SORBS2: variants seen among roughly 807,000 people sequenced by gnomAD.
The protein encoded by SORBS2 is sorbin and SH3 domain containing 2, also known as sorbin and SH3 domain-containing protein 2.
Under a neutral mutation model 97.7 loss-of-function variants are expected in SORBS2, and 46 were observed. That is an observed-to-expected ratio of 0.47 (90% CI 0.37 to 0.60). The LOEUF (loss-of-function observed/expected upper bound fraction) is 0.60, where lower values mean the gene tolerates loss of function less well. Among genes scored for constraint, SORBS2 ranks in the 20% least tolerant of loss-of-function variants. SORBS2 has a pLI of 0.00. For synonymous variants in SORBS2, 476 were observed against 473.4 expected (o/e 1.01, Z -0.07); for missense variants, 1,316 against 1,282.3 (o/e 1.03, Z -0.40).
intron 1 of SORBS2, among the ~76,000 whole-genome samples, chr4:185,822,730 G>C (rs373230511): frequency 6.6e-6 from 1 of 152,176 alleles, no homozygotes; most frequent in Non-Finnish European, 1.5e-5. Context: ...CTATTCTACA[G>C]GGGCACCACA....
intron 1 of SORBS2, among the ~76,000 whole-genome samples, chr4:185,789,748 T>G (rs1008790505): frequency 2.6e-5 from 4 of 152,314 alleles, no homozygotes; most frequent in South Asian, 4.1e-4. Flanking sequence ...CTCTTGATTT[T>G]TAATGCAATA....
chr4:185,783,405 T>A (rs1195980514), intron 1 of SORBS2, among the ~76,000 whole-genome samples: 1 of 152,232 alleles, frequency 6.6e-6, no homozygotes, highest in Non-Finnish European at 1.5e-5. Flanking sequence ...GGTGGCCAAG[T>A]GAGGCCTTGG....
At chr4:185,928,351 C>T (rs2149953487) in intron 1 of SORBS2, among the ~76,000 whole-genome samples, 1 of 152,208 alleles carries the variant, frequency 6.6e-6, no homozygotes, top group African/African-American at 2.4e-5. Context: ...CTGCAGTGAG[C>T]TATGACCCTG....
chr4:185,881,498 T>C (rs1372887386), intron 1 of SORBS2, among the ~76,000 whole-genome samples: 2 of 152,086 alleles, frequency 1.3e-5, no homozygotes, highest in East Asian at 3.8e-4. Context: ...TTTCAGACAT[T>C]CAGACAAGAA....
intron 5 of SORBS2, among the ~76,000 whole-genome samples, chr4:185,630,189 C>G (rs115472128): frequency 0.021 from 3,137 of 152,124 alleles, 120 homozygotes; most frequent in African/African-American, 0.072. Flanking sequence ...ACGTGTATAA[C>G]ACTTTTTAAT....
intron 4 of SORBS2, among the ~76,000 whole-genome samples, chr4:185,633,342 T>A (rs2096938014): frequency 6.6e-6 from 1 of 152,120 alleles, no homozygotes. Context: ...TTTCTTACAT[T>A]CTGAAAAACT....
chr4:185,772,734 G>A (rs1392905744), intron 2 of SORBS2: 1 of 152,214 alleles, frequency 6.6e-6, no homozygotes, highest in Non-Finnish European at 1.5e-5. Context: ...TTTACTGGGG[G>A]AAAACGTGTG....
chr4:185,721,525 C>T (rs1263079305), intron 2 of SORBS2, among the ~76,000 whole-genome samples: 3 of 152,178 alleles, frequency 2.0e-5, no homozygotes, highest in African/African-American at 7.2e-5. Context: ...AGGCAAACTT[C>T]CTGGAGCAGC....
At chr4:185,767,457 G>T (rs1286920087) in intron 2 of SORBS2, among the ~76,000 whole-genome samples, 2 of 130,276 alleles carry the variant, frequency 1.5e-5, no homozygotes, top group Non-Finnish European at 3.1e-5. Context: ...CCGAGATCGC[G>T]CCCCTGCACT....
chr4:185,759,318 G>T, intron 2 of SORBS2, among the ~76,000 whole-genome samples: 1 of 152,164 alleles, frequency 6.6e-6, no homozygotes, highest in Non-Finnish European at 1.5e-5. Flanking sequence ...GCTTGCTCTT[G>T]CCTCAGTGAT....
rs34447153 is a variant in SORBS2, at chr4:185,900,791, CAG to C, written c.-338+55403_-338+55404del. Among the ~76,000 whole-genome samples, 573 of 150,070 alleles carry C rather than the reference CAG, an allele frequency of 3.8e-3. 3 individuals carry two copies. Among genetic ancestry groups the C allele is most frequent in the African/African-American group, 0.013 (533 of 41,138 alleles). ...AGGGAGGGAGAGGGAGACAGGGAAA[CAG>C]AGAGAGAGAGAGACAGAGAGAATTA... On this transcript the variant is annotated intron_variant, in intron 1 of 20. Coordinates refer to the SORBS2 transcript ENST00000284776.
At chr4:185,656,833 C>T (rs1339835689) in exon 1 of SORBS2, 7 of 1,380,726 alleles carry the variant, frequency 5.1e-6, no homozygotes, top group South Asian at 1.6e-5. Flanking sequence ...AACACTTTCA[C>T]TTATCATCCC....
At chr4:185,894,204 T>A (rs1282920936) in intron 1 of SORBS2, 1 of 152,002 alleles carries the variant, frequency 6.6e-6, no homozygotes, top group African/African-American at 2.4e-5. Context: ...TGGGAACATA[T>A]TGAAGGAAAA....
intron 12 of SORBS2, among the ~76,000 whole-genome samples, chr4:185,597,400 T>A (rs945209966): frequency 4.6e-5 from 7 of 152,278 alleles, no homozygotes; most frequent in Non-Finnish European, 8.8e-5. Context: ...ATTGATTGGT[T>A]AATTCTCATG....
In SORBS2 at chr4:185,606,831, C is replaced by T. The variant is rs1036010752; in HGVS notation, c.2796+4949G>A. ...TGCCCTCATCTTCCTCTCCAATGAC[C>T]GGAAGGGGTACAGGCAAGGAACCCA... On this transcript the variant is annotated intron_variant, in intron 12 of 14. Transcript: ENST00000418609. This position sits in a 1 kb window ranked among gnomAD's most constrained non-coding sequence, Gnocchi z 4.3. 1.2e-4 allele frequency: 119 copies of T among 985,334 alleles called. No homozygotes were observed. The highest frequency in any genetic ancestry group is 5.2e-4 in the Middle Eastern group (1 of 1,914). The allele number at this position is 985,334 out of a possible 1,614,324, so 61.0% of individuals were successfully genotyped here.
chr4:185,600,909 T>G (rs964721271), intron 12 of SORBS2, among the ~76,000 whole-genome samples: 11 of 109,358 alleles, frequency 1.0e-4, no homozygotes, highest in African/African-American at 2.8e-4. Context: ...TGTTTTGGTG[T>G]TTTTTTTTTA....
At chr4:185,770,109 C>T (rs560796647) in intron 2 of SORBS2, among the ~76,000 whole-genome samples, 5 of 147,328 alleles carry the variant, frequency 3.4e-5, no homozygotes, top group Admixed American at 6.8e-5. Flanking sequence ...GACGAAGTCT[C>T]ACCCTGTCAC....
intron 2 of SORBS2, among the ~76,000 whole-genome samples, chr4:185,694,895 C>T (rs1003418170): frequency 3.3e-5 from 5 of 151,244 alleles, no homozygotes; most frequent in Admixed American, 6.6e-5. Context: ...TTAGTAGAGA[C>T]GGGGTTTTAC....
At chr4:185,625,043 A>G (rs951184419) in intron 6 of SORBS2, among the ~76,000 whole-genome samples, 8 of 152,258 alleles carry the variant, frequency 5.3e-5, no homozygotes, top group Admixed American at 4.6e-4. Context: ...TTTAAAAGCT[A>G]TAAGGCAAAG....
Sources: allele counts gnomAD v4.1 joint callset (sites outside exome capture counted in the v4.1 genomes callset), GRCh38; gene constraint gnomAD v4.1.1; non-coding constraint Gnocchi (gnomAD v3.1); transcripts MANE v1.5; gene names NCBI Gene and HGNC (gene_info 2026-07-23, HGNC 2026-07-21).